The following OSBPL2 variants were observed in gnomAD, a reference collection of about 807,000 sequenced individuals.
OSBPL2 encodes the protein oxysterol binding protein like 2.
A neutral mutation model predicts 58.4 loss-of-function variants in OSBPL2; 18 were observed. The ratio of observed to expected loss-of-function variants is 0.31; its 90% CI spans 0.21 to 0.46. The LOEUF (loss-of-function observed/expected upper bound fraction) is 0.46, where lower values mean the gene tolerates loss of function less well. OSBPL2 is among the 20% of genes least tolerant of loss of function. The probability of loss-of-function intolerance (pLI) is 1.00; values close to 1 mark genes in which losing one functional copy is unlikely to be tolerated. For missense variants in OSBPL2, 461 were observed against 616.5 expected (o/e 0.75, Z 2.67); for synonymous variants, 221 against 234.1 (o/e 0.94, Z 0.51).
At chr20:62,283,869 T>C (rs539073803) in intron 9 of OSBPL2, among the ~76,000 whole-genome samples, 177 bp from the exon 10 acceptor site, 1 of 152,238 alleles carries the variant, frequency 6.6e-6, no homozygotes, top group Non-Finnish European at 1.5e-5. Context: ...CCGTGGTGTG[T>C]ATCGGGGCTA....
intron 4 of OSBPL2, among the ~76,000 whole-genome samples, chr20:62,271,293 G>A (rs1982038588): frequency 6.6e-6 from 1 of 152,038 alleles, no homozygotes; most frequent in African/African-American, 2.4e-5. Flanking sequence ...AGACACCTGA[G>A]ACTCCTTTGC....
intron 1 of OSBPL2, among the ~76,000 whole-genome samples, chr20:62,253,440 C>CCTCTTTCTTGTGGG (rs1980703168): frequency 6.6e-6 from 1 of 152,224 alleles, no homozygotes; most frequent in Admixed American, 6.5e-5. Context: ...TACTGGTGCT[C>CCTCTTTCTTGTGGG]AGATTGTCTC....
intron 13 of OSBPL2, among the ~76,000 whole-genome samples, chr20:62,292,026 A>G (rs1983556131): frequency 6.6e-6 from 1 of 152,132 alleles, no homozygotes; most frequent in African/African-American, 2.4e-5. Flanking sequence ...TGTGGTTCCC[A>G]CTGCCCAGGT....
At chr20:62,256,493 C>T (rs1221771004) in intron 2 of OSBPL2, among the ~76,000 whole-genome samples, 4 of 152,160 alleles carry the variant, frequency 2.6e-5, no homozygotes, top group Non-Finnish European at 4.4e-5. Context: ...CATCTTCTTC[C>T]CCTATTTCTG....
intron 6 of OSBPL2, among the ~76,000 whole-genome samples, chr20:62,274,971 G>GT (rs1306079148): frequency 6.6e-6 from 1 of 152,190 alleles, no homozygotes. Context: ...AAGTCTGTTT[G>GT]TTTTTTTAAT....
chr20:62,240,794 A>G (rs1323702131), intron 1 of OSBPL2, among the ~76,000 whole-genome samples: 2 of 152,134 alleles, frequency 1.3e-5, no homozygotes, highest in Non-Finnish European at 1.5e-5. Flanking sequence ...TTTTTTCTGA[A>G]ATAAAGTAAT....
Position 62,279,295 on chromosome 20 carries a change from C to A in OSBPL2, c.630C>A (p.Ser210Arg). The A allele has an allele frequency of 6.2e-7, 1 of 1,614,236 alleles. No individual in the cohort carries two copies. The highest frequency in any genetic ancestry group is 8.5e-7 in the Non-Finnish European group (1 of 1,180,040). ...IYPKLKFWGK[S>R]VEAEPRGTIT... ...CCAAGCTCAAGTTCTGGGGCAAAAG[C>A]GTGGAGGCGGAGCCCCGAGGCACCA... Residue 210 changes from serine (S) to arginine (R), a missense_variant, in exon 7 of 14, where the codon AGC becomes AGA. Physicochemically the swap from Ser to Arg is moderately radical, Grantham distance 110. Around this residue, in one of 5 missense-constraint regions of OSBPL2, gnomAD observed 319 missense variants for 419.2 expected, o/e 0.76. Coordinates refer to ENST00000313733, the MANE Select transcript of OSBPL2 (RefSeq NM_144498.4).
At chr20:62,245,606 C>A (rs1980052563) in intron 1 of OSBPL2, among the ~76,000 whole-genome samples, 1 of 152,192 alleles carries the variant, frequency 6.6e-6, no homozygotes, top group Admixed American at 6.5e-5. Flanking sequence ...TGGACTTAAC[C>A]TTATTTGGCT....
intron 4 of OSBPL2, among the ~76,000 whole-genome samples, chr20:62,266,552 C>T (rs887660825): frequency 6.6e-6 from 1 of 152,022 alleles, no homozygotes; most frequent in Non-Finnish European, 1.5e-5. Context: ...TTGGCTGTGG[C>T]TCGTTCTGGA....
In OSBPL2 at chr20:62,284,126, A is replaced by G. The variant is rs758678404; in HGVS notation, c.953A>G (p.Lys318Arg). 3 of 1,614,004 alleles carry G rather than the reference A, an allele frequency of 1.9e-6. No homozygotes were observed. Among genetic ancestry groups the G allele is most frequent in the Non-Finnish European group, 2.5e-6 (3 of 1,179,988 alleles). The change falls in exon 10 of 14, where the codon AAG (lysine) becomes AGG (arginine). Residue 318 changes from lysine to arginine, a missense_variant. Coordinates refer to ENST00000313733, the MANE Select transcript of OSBPL2 (RefSeq NM_144498.4). ...GIDPVSYESF[K>R]KQERRGDHLR... ...GATCCTGTTTCGTATGAATCCTTCA[A>G]GAAGCAGGAGAGGAGAGGTGACCAC...
chr20:62,253,086 C>T (rs1980672241), intron 1 of OSBPL2, among the ~76,000 whole-genome samples: 1 of 152,232 alleles, frequency 6.6e-6, no homozygotes, highest in African/African-American at 2.4e-5. Context: ...TCAGCAGTGG[C>T]AGTGTCATCT....
In OSBPL2 at chr20:62,279,272, A is replaced by C. The variant is rs750883021; in HGVS notation, c.607A>C (p.Lys203Gln). ...CCTGTTCCATGGCTCCATCTACCCC[A>C]AGCTCAAGTTCTGGGGCAAAAGCGT... ...DFLFHGSIYP[K>Q]LKFWGKSVEA... Residue 203 changes from lysine to glutamine, a missense_variant, in exon 7 of 14, where the codon AAG (lysine) becomes CAG (glutamine). Around this residue, in one of 5 missense-constraint regions of OSBPL2, gnomAD observed 319 missense variants for 419.2 expected, o/e 0.76. Transcript: ENST00000313733. 20 of 1,614,098 alleles carry C rather than the reference A, an allele frequency of 1.2e-5. No individual in the cohort carries two copies. In the African/African-American group the frequency reaches 2.3e-4, roughly 18 times the overall value.
chr20:62,258,694 G>A lies in OSBPL2; in HGVS notation c.38-1287G>A, dbSNP rs542995047. Among the ~76,000 whole-genome samples, 18 of 152,330 alleles carry A rather than the reference G, an allele frequency of 1.2e-4. No homozygotes were observed. The East Asian group carries it at 3.5e-3, about 29-fold the overall frequency. On this transcript the variant is annotated intron_variant, in intron 2 of 13. Coordinates refer to ENST00000313733, the MANE Select transcript of OSBPL2 (RefSeq NM_144498.4). ...CTTAGAATGTTATTAGGCCATCCAT[G>A]TAGTGTTGGCTGAGTCAGAGGCTGC...
chr20:62,255,264 AT>A (rs1265015968), intron 1 of OSBPL2: 6 of 151,744 alleles, frequency 4.0e-5, no homozygotes, highest in African/African-American at 7.3e-5. Flanking sequence ...CGCCTGGCTG[AT>A]TTTTGTATTT....
At position 62,291,793 on chromosome 20, in the gene OSBPL2, G is replaced by A; in HGVS notation, c.1340G>A (p.Arg447Lys). 2 of 1,612,384 alleles carry A rather than the reference G, an allele frequency of 1.2e-6. No individual in the cohort carries two copies. Among genetic ancestry groups the A allele is most frequent in the Non-Finnish European group, 1.7e-6 (2 of 1,179,458 alleles). Residue 447 changes from arginine (R) to lysine (K), a missense_variant and splice_region_variant, in exon 13 of 14, where the codon AGG (arginine) becomes AAG (lysine). Physicochemically the swap from Arg to Lys is conservative, Grantham distance 26. Transcript: ENST00000313733. Reference protein sequence around the residue: ...RAKEEAEWQTRWFYPGNNPYT... With the variant: ...RAKEEAEWQTKWFYPGNNPYT... ...AAGGAGGAGGCAGAGTGGCAGACGAGGTGAGTACTGTGGTAGCCACGCAGG... is the reference window on the plus strand; with the variant it reads ...AAGGAGGAGGCAGAGTGGCAGACGAAGTGAGTACTGTGGTAGCCACGCAGG...
chr20:62,239,969 T>TA (rs1180594832), intron 1 of OSBPL2, among the ~76,000 whole-genome samples: 1 of 152,172 alleles, frequency 6.6e-6, no homozygotes, highest in Non-Finnish European at 1.5e-5. Flanking sequence ...TCTCCTGCCT[T>TA]AGCCTCCCAT....
chr20:62,291,405 G>T, intron 12 of OSBPL2: 1 of 415,044 alleles, frequency 2.4e-6, no homozygotes, highest in South Asian at 2.0e-5. Context: ...GTGGTGCCTG[G>T]GCCCTGCCTG....
chr20:62,293,934 G>T lies in OSBPL2; in HGVS notation c.*47G>T, dbSNP rs1405099069. The T allele has an allele frequency of 6.3e-7, 1 of 1,598,108 alleles. No individual in the cohort carries two copies. The highest frequency in any genetic ancestry group is 1.1e-5 in the South Asian group (1 of 89,020). On this transcript the variant is annotated 3_prime_UTR_variant, in exon 14 of 14. Transcript: ENST00000313733. ...CCGGGACCGGAGGCTGACGAGGCTG[G>T]ACTTCCTCGAGTGGCCACTGTGAGC... is the stretch of plus-strand genomic sequence containing the variant.
At position 62,268,832 on chromosome 20, in the gene OSBPL2, C is replaced by T. The variant is rs544928851; in HGVS notation, c.259-3293C>T. ...CAGCACTTTAGGAGTCTGAGGCAGG[C>T]GGATCACGAAGTCAGGAGTTCGAGA... On this transcript the variant is annotated intron_variant, in intron 4 of 13. Transcript: ENST00000313733. 2.8e-4 allele frequency among the ~76,000 whole-genome samples: 42 copies of T among 152,204 alleles called. 1 individual carries two copies. The South Asian group carries it at 7.1e-3, about 26-fold the overall frequency.
Sources: gnomAD v4.1 joint callset for allele counts (sites outside exome capture counted in the v4.1 genomes callset) on GRCh38, gnomAD v4.1.1 for gene constraint, gnomAD v4.1.1 regional missense constraint, MANE v1.5 for transcripts, NCBI Gene and HGNC (gene_info 2026-07-23, HGNC 2026-07-21) for gene names.